The following PTPRQ variants were observed in gnomAD, a reference collection of about 807,000 sequenced individuals.
PTPRQ encodes protein tyrosine phosphatase receptor type Q.
A neutral mutation model predicts 246.0 loss-of-function variants in PTPRQ; 199 were observed. That is an observed-to-expected ratio of 0.81 (90% CI 0.72 to 0.91). PTPRQ has a LOEUF of 0.91. Ranked by LOEUF, PTPRQ falls within the 40% of genes least tolerant of loss-of-function variation. The pLI is 0.00. For synonymous variants in PTPRQ, 869 were observed against 853.2 expected (o/e 1.02, Z -0.32); for missense variants, 2,624 against 2,528.4 (o/e 1.04, Z -0.81).
chr12:80,445,390 G>T, intron 2 of PTPRQ, 101 bp from the exon 3 acceptor site: 1 of 758,034 alleles, frequency 1.3e-6, no homozygotes, highest in Non-Finnish European at 2.1e-6. Flanking sequence ...ATTGCTCTTT[G>T]GAAATTTCAA....
chr12:80,537,825 A>G (rs1297092559), intron 19 of PTPRQ, among the ~76,000 whole-genome samples: 10 of 152,130 alleles, frequency 6.6e-5, no homozygotes. Flanking sequence ...AAAGTGTTAA[A>G]TGGGCCGGGT....
chr12:80,451,030 C>G (rs947893717), intron 3 of PTPRQ, among the ~76,000 whole-genome samples: 5 of 152,200 alleles, frequency 3.3e-5, no homozygotes, highest in African/African-American at 1.2e-4. Flanking sequence ...CGTTGGCAAG[C>G]TATCGCTTAT....
At chr12:80,594,877 A>G (rs1323258561) in intron 26 of PTPRQ, among the ~76,000 whole-genome samples, 3 of 152,042 alleles carry the variant, frequency 2.0e-5, no homozygotes, top group Non-Finnish European at 4.4e-5. Flanking sequence ...ATTTTCTACC[A>G]TTCACCTGAA....
chr12:80,595,448 G>T (rs776075003), intron 26 of PTPRQ, among the ~76,000 whole-genome samples: 29 of 151,604 alleles, frequency 1.9e-4, no homozygotes, highest in Non-Finnish European at 3.7e-4. Flanking sequence ...AATTTTTTTG[G>T]TCTAATGCTT....
chr12:80,588,108 A>G (rs1431214857), intron 25 of PTPRQ, 21 bp from the exon 26 acceptor site: 22 of 1,494,084 alleles, frequency 1.5e-5, no homozygotes, highest in Non-Finnish European at 1.9e-5. Context: ...ACTGCTTTTA[A>G]TTTTTCCCTT....
intron 7 of PTPRQ, among the ~76,000 whole-genome samples, chr12:80,470,525 G>A (rs1394196208): frequency 6.6e-6 from 1 of 152,310 alleles, no homozygotes; most frequent in East Asian, 1.9e-4. Context: ...GACTATGTAA[G>A]TTGAGTAAGA....
chr12:80,668,736 C>T (rs2246361), intron 39 of PTPRQ, among the ~76,000 whole-genome samples: 1 of 151,740 alleles, frequency 6.6e-6, no homozygotes, highest in Non-Finnish European at 1.5e-5. Flanking sequence ...TTATTAAGTT[C>T]TGTTATTATT....
At chr12:80,523,587 A>G (rs1345619217) in intron 17 of PTPRQ, among the ~76,000 whole-genome samples, 3 of 152,174 alleles carry the variant, frequency 2.0e-5, no homozygotes, top group Non-Finnish European at 4.4e-5. Flanking sequence ...TTGGTTTCAA[A>G]GAACATCTTT....
At chr12:80,673,798 T>A (rs1901049916) in intron 43 of PTPRQ, among the ~76,000 whole-genome samples, 1 of 152,172 alleles carries the variant, frequency 6.6e-6, no homozygotes, top group South Asian at 2.1e-4. Flanking sequence ...GTGAGGTTTT[T>A]GTTTGTTGTT....
At chr12:80,587,929 G>T (rs1223049735) in intron 25 of PTPRQ, among the ~76,000 whole-genome samples, 200 bp from the exon 26 acceptor site, 2 of 152,102 alleles carry the variant, frequency 1.3e-5, no homozygotes, top group African/African-American at 4.8e-5. Flanking sequence ...CAATTATTTT[G>T]TCCTCTACCC....
chr12:80,510,924 T>A (rs1378542686), intron 17 of PTPRQ, among the ~76,000 whole-genome samples: 1 of 152,198 alleles, frequency 6.6e-6, no homozygotes, highest in East Asian at 1.9e-4. Context: ...CCTGATTGCC[T>A]GTTTATCCTT....
chr12:80,659,122 A>G (rs772783940), intron 39 of PTPRQ, among the ~76,000 whole-genome samples: 9 of 152,090 alleles, frequency 5.9e-5, no homozygotes, highest in Non-Finnish European at 7.4e-5. Context: ...GAAGTGAAGG[A>G]AAGTTTAGAG....
intron 30 of PTPRQ, 108 bp downstream of exon 30, chr12:80,616,374 A>G: frequency 9.4e-7 from 1 of 1,061,190 alleles, no homozygotes; most frequent in Non-Finnish European, 1.3e-6. Context: ...ATAAATATGC[A>G]TATATTAAGC....
chr12:80,620,243 CCATGTA>C lies in PTPRQ; in HGVS notation c.5482_5487del (p.Cys1828_Thr1829del), dbSNP rs1898928534. 15 of 1,549,440 alleles carry C rather than the reference CCATGTA, an allele frequency of 9.7e-6. No individual in the cohort carries two copies. The highest frequency in any genetic ancestry group is 1.3e-5 in the Non-Finnish European group (15 of 1,145,456). ...TACAAATGAAGGCTTTCCTAACCCT[CCATGTA>C]CAGAAGGAAAGACAAAGTTTAGTGG... On this transcript the variant is annotated inframe_deletion, in exon 32 of 45. Coordinates refer to ENST00000644991, the MANE Select transcript of PTPRQ (RefSeq NM_001145026.2).
chr12:80,493,174 C>G (rs1172271797), intron 9 of PTPRQ, 101 bp from the exon 10 acceptor site: 1 of 1,257,420 alleles, frequency 8.0e-7, no homozygotes, highest in Admixed American at 3.5e-5. Flanking sequence ...TCTTTTATAA[C>G]AGCATGATTC....
intron 17 of PTPRQ, among the ~76,000 whole-genome samples, chr12:80,516,735 T>C (rs1167959631): frequency 6.6e-6 from 1 of 152,216 alleles, no homozygotes; most frequent in African/African-American, 2.4e-5. Context: ...GACCTCATGG[T>C]TACTGCATAT....
chr12:80,646,354 C>A (rs1299180098), intron 35 of PTPRQ, among the ~76,000 whole-genome samples: 2 of 152,088 alleles, frequency 1.3e-5, no homozygotes, highest in Non-Finnish European at 2.9e-5. Flanking sequence ...TATTTGAAAC[C>A]AATAAAGGCA....
chr12:80,628,456 G>A (rs1469820329), intron 33 of PTPRQ, among the ~76,000 whole-genome samples: 1 of 152,138 alleles, frequency 6.6e-6, no homozygotes, highest in Non-Finnish European at 1.5e-5. Context: ...TCACTTGACT[G>A]TAATACTTTG....
chr12:80,649,542 A>G (rs1900188231), intron 36 of PTPRQ, 46 bp from the exon 37 acceptor site: 1 of 1,539,290 alleles, frequency 6.5e-7, no homozygotes. Flanking sequence ...AACGCGAACA[A>G]ATACAATCTA....
Sources: allele counts gnomAD v4.1 joint callset (sites outside exome capture counted in the v4.1 genomes callset), GRCh38; gene constraint gnomAD v4.1.1; transcripts MANE v1.5; gene names NCBI Gene and HGNC (gene_info 2026-07-23, HGNC 2026-07-21).